YBEY: variants seen among roughly 807,000 people sequenced by gnomAD.
YBEY encodes ybeY metalloendoribonuclease.
Under a neutral mutation model 13.5 loss-of-function variants are expected in YBEY, and 15 were observed. The ratio of observed to expected loss-of-function variants is 1.11; its 90% CI spans 0.75 to 1.72. YBEY has a LOEUF of 1.72. Among genes scored for constraint, YBEY ranks in the 40% most tolerant of loss-of-function variants. YBEY has a pLI of 0.00. For synonymous variants in YBEY, 101 were observed against 83.1 expected (o/e 1.21, Z -1.17); for missense variants, 244 against 208.4 (o/e 1.17, Z -1.05).
At chr21:46,294,935 G>A (rs1032867838) in intron 3 of YBEY, among the ~76,000 whole-genome samples, 1 of 152,150 alleles carries the variant, frequency 6.6e-6, no homozygotes, top group African/African-American at 2.4e-5. Flanking sequence ...GGATGGGACG[G>A]CCACACAGGA....
At chr21:46,302,312 C>G (rs1221007022), downstream of YBEY, among the ~76,000 whole-genome samples, 1 of 152,216 alleles carries the variant, frequency 6.6e-6, no homozygotes, top group Non-Finnish European at 1.5e-5. Flanking sequence ...CCAAATTGTG[C>G]AACCCATTCC....
At chr21:46,301,615 G>A (rs943040897), downstream of YBEY, 14 of 1,027,726 alleles carry the variant, frequency 1.4e-5, no homozygotes, top group Non-Finnish European at 1.6e-5. Flanking sequence ...CTTTCTGGAT[G>A]AAATCTTTAT....
rs188861464 is a variant in YBEY at position 46,288,765 on chromosome 21, C to T, written c.210+1642C>T. Among the ~76,000 whole-genome samples the T allele has an allele frequency of 2.1e-3, 318 of 152,178 alleles. 3 individuals carry two copies. Among genetic ancestry groups the T allele is most frequent in the Middle Eastern group, 0.02 (6 of 294 alleles). On this transcript the variant is annotated intron_variant, in intron 2 of 4. Transcript: ENST00000397701. ...TTAATTTATTGGCTGGGCCTATAAT[C>T]CCAGCACTTTGGGAAGCTAAGGTGG...
intron 2 of YBEY, among the ~76,000 whole-genome samples, chr21:46,288,409 G>C (rs942032183): frequency 6.6e-6 from 1 of 152,204 alleles, no homozygotes; most frequent in African/African-American, 2.4e-5. Flanking sequence ...CGGGTGCAGT[G>C]GCTCACGCCT....
downstream of YBEY, among the ~76,000 whole-genome samples, chr21:46,298,579 G>A (rs2082028509): frequency 2.7e-5 from 4 of 150,666 alleles, no homozygotes; most frequent in South Asian, 2.1e-4. Flanking sequence ...ACAGGCGCCC[G>A]CCACCTCGCC....
chr21:46,286,929 A>G lies in YBEY; in HGVS notation c.16A>G (p.Arg6Gly). 3 of 1,613,918 alleles carry G rather than the reference A, an allele frequency of 1.9e-6. No individual in the cohort carries two copies. The highest frequency in any genetic ancestry group is 2.5e-6 in the Non-Finnish European group (3 of 1,179,976). MSLVIRNLQRVIPIRR... is the reference protein window; with the variant it reads MSLVIGNLQRVIPIRR... ...TCTTCCTGAAATGAGTTTGGTGATT[A>G]GAAATCTGCAGCGAGTCATCCCCAT... Residue 6 changes from arginine to glycine, a missense_variant, in exon 2 of 5, where the codon AGA becomes GGA. Coordinates refer to ENST00000397701, the MANE Select transcript of YBEY (RefSeq NM_001314025.2).
At chr21:46,305,325 A>ATT in the YBEY span, among the ~76,000 whole-genome samples, 2 of 140,498 alleles carry the variant, frequency 1.4e-5, no homozygotes, top group African/African-American at 2.7e-5. Flanking sequence ...TCACAAATTA[A>ATT]TCTTTTTTTT....
chr21:46,287,936 CCA>C (rs2081528905), intron 2 of YBEY, among the ~76,000 whole-genome samples: 1 of 151,680 alleles, frequency 6.6e-6, no homozygotes, highest in African/African-American at 2.4e-5. Flanking sequence ...CGCTTGAACC[CCA>C]GAGATGGAGG....
At chr21:46,287,718 C>T (rs1437933031) in intron 2 of YBEY, among the ~76,000 whole-genome samples, 1 of 152,090 alleles carries the variant, frequency 6.6e-6, no homozygotes, top group Admixed American at 6.6e-5. Context: ...CAGCCGAGCG[C>T]GATGGCTCAT....
chr21:46,298,067 GC>G, downstream of YBEY, among the ~76,000 whole-genome samples: 1 of 152,380 alleles, frequency 6.6e-6, no homozygotes, highest in South Asian at 2.1e-4. Flanking sequence ...CATCAGGGCA[GC>G]GCGTCGCGAG....
chr21:46,302,121 C>A, downstream of YBEY: 1 of 1,520,748 alleles, frequency 6.6e-7, no homozygotes, highest in Non-Finnish European at 8.8e-7. Flanking sequence ...GGCCTGGCAG[C>A]TCGTGGGACC....
intron 3 of YBEY, chr21:46,291,736 T>C: frequency 8.4e-7 from 1 of 1,195,528 alleles, no homozygotes; most frequent in Non-Finnish European, 1.0e-6. Context: ...CAGACTATGT[T>C]GAGCTAACAC....
chr21:46,291,641 C>A (rs1206834889), intron 3 of YBEY, 179 bp downstream of exon 3: 1 of 1,402,720 alleles, frequency 7.1e-7, no homozygotes, highest in East Asian at 2.8e-5. Context: ...ATGCCCCATG[C>A]CACAGTTGAA....
At chr21:46,313,068 G>C in the YBEY span, 1 of 985,294 alleles carries the variant, frequency 1.0e-6, no homozygotes, top group Non-Finnish European at 1.2e-6. Flanking sequence ...CAGAGACCAA[G>C]AGTTGGCAAA....
At chr21:46,313,181 A>C in the YBEY span, 1 of 361,502 alleles carries the variant, frequency 2.8e-6, no homozygotes, top group African/African-American at 2.2e-5. Context: ...CAATGTGGAA[A>C]CAAATGGGCC....
At chr21:46,300,967 T>C (rs1296890571), downstream of YBEY, among the ~76,000 whole-genome samples, 3 of 151,776 alleles carry the variant, frequency 2.0e-5, no homozygotes, top group African/African-American at 7.3e-5. Flanking sequence ...AGAAGGAAAC[T>C]GAACTGAGGG....
intron 2 of YBEY, among the ~76,000 whole-genome samples, chr21:46,287,731 C>G (rs542370478): frequency 3.9e-5 from 6 of 152,204 alleles, no homozygotes; most frequent in African/African-American, 1.2e-4. Flanking sequence ...TGGCTCATAC[C>G]CATAATCCCA....
At chr21:46,300,754 G>T, downstream of YBEY, 1 of 1,289,370 alleles carries the variant, frequency 7.8e-7, no homozygotes, top group Non-Finnish European at 1.0e-6. Flanking sequence ...CTGGGACAGG[G>T]TTCCTCCTTG....
Position 46,287,050 on chromosome 21 carries a change from A to G in YBEY, c.137A>G (p.Asn46Ser). 6.2e-7 allele frequency: 1 copy of G among 1,614,098 alleles called. No homozygotes were observed. The highest frequency in any genetic ancestry group is 8.5e-7 in the Non-Finnish European group (1 of 1,180,000). Residue 46 changes from asparagine (N) to serine (S), a missense_variant, in exon 2 of 5, where the codon AAT becomes AGT. Coordinates refer to ENST00000397701, the MANE Select transcript of YBEY (RefSeq NM_001314025.2). ...DLGIICVDNK[N>S]IQHINRIYRD... is the part of the protein sequence containing the mutation. ...GGGATCATCTGTGTTGACAACAAGA[A>G]TATTCAGCACATTAATAGAATCTAC...
Sources: gnomAD v4.1 joint callset for allele counts (sites outside exome capture counted in the v4.1 genomes callset) on GRCh38, gnomAD v4.1.1 for gene constraint, MANE v1.5 for transcripts, NCBI Gene and HGNC (gene_info 2026-07-23, HGNC 2026-07-21) for gene names.